STPG2: variants seen among roughly 807,000 people sequenced by gnomAD.
The protein encoded by STPG2 is sperm tail PG-rich repeat containing 2, also known as sperm-tail PG-rich repeat-containing protein 2.
STPG2 carries 56 observed loss-of-function variants against 54.2 expected under a neutral mutation model. That is an observed-to-expected ratio of 1.03 (90% CI 0.83 to 1.29). The LOEUF (loss-of-function observed/expected upper bound fraction) is 1.29, where lower values mean the gene tolerates loss of function less well. Among genes scored for constraint, STPG2 ranks in the 50% most tolerant of loss-of-function variants. STPG2 has a pLI of 0.00. For missense variants in STPG2, 596 were observed against 544.9 expected, an observed-to-expected ratio of 1.09 and a Z score of -0.93; for synonymous variants, 200 against 181.8, an observed-to-expected ratio of 1.10 and a Z score of -0.81.
chr4:98,097,393 T>C (rs898633154), intron 5 of STPG2, among the ~76,000 whole-genome samples: 18 of 152,286 alleles, frequency 1.2e-4, no homozygotes, highest in African/African-American at 4.3e-4. Context: ...GTCATTTCAA[T>C]TGATGCTGAA....
At chr4:97,819,979 T>A (rs910959734) in intron 9 of STPG2, among the ~76,000 whole-genome samples, 3 of 152,260 alleles carry the variant, frequency 2.0e-5, no homozygotes, top group Middle Eastern at 3.4e-3. Flanking sequence ...TTTTTGTTTT[T>A]TTTTAAATTG....
At chr4:98,022,031 T>C (rs1736223523) in intron 5 of STPG2, among the ~76,000 whole-genome samples, 1 of 150,214 alleles carries the variant, frequency 6.7e-6, no homozygotes, top group Non-Finnish European at 1.5e-5. Context: ...AAAGTTAATA[T>C]TGTTATGTGT....
intron 9 of STPG2, among the ~76,000 whole-genome samples, chr4:97,824,577 A>C (rs181521): frequency 0.58 from 88,639 of 151,962 alleles, 26,422 homozygotes; most frequent in East Asian, 0.74. Context: ...TCAAGACAGC[A>C]CAGCAAACTG....
At chr4:98,104,982 T>C (rs1015596909) in intron 5 of STPG2, among the ~76,000 whole-genome samples, 3 of 152,212 alleles carry the variant, frequency 2.0e-5, no homozygotes, top group Non-Finnish European at 2.9e-5. Context: ...CTTAGTAGTA[T>C]GTACCTGTAA....
chr4:97,563,900 T>A (rs1392085366), intron 10 of STPG2, among the ~76,000 whole-genome samples: 1 of 152,160 alleles, frequency 6.6e-6, no homozygotes, highest in East Asian at 1.9e-4. Flanking sequence ...CTGAAAAAAA[T>A]ATATATTCTG....
intron 5 of STPG2, among the ~76,000 whole-genome samples, chr4:98,064,742 A>G (rs1175149448): frequency 1.3e-5 from 2 of 152,204 alleles, no homozygotes; most frequent in Admixed American, 6.5e-5. Context: ...CAGTAATTCA[A>G]GAGTGGCTTA....
In STPG2 at chr4:97,875,690, G is replaced by C. The variant is rs1261839428; in HGVS notation, c.1045-34758C>G. 3.3e-5 allele frequency among the ~76,000 whole-genome samples: 5 copies of C among 151,886 alleles called. No individual in the cohort carries two copies. In the Middle Eastern group the frequency reaches 0.014, roughly 413 times the overall value. On this transcript the variant is annotated intron_variant, in intron 8 of 10. Transcript: ENST00000295268. ...TAGAATTATAAATTTAGATGAGCTA[G>C]TATAAGACACAATTGGACAAAAATT...
chr4:98,076,672 G>A (rs1208273371), intron 5 of STPG2, among the ~76,000 whole-genome samples: 12 of 152,026 alleles, frequency 7.9e-5, no homozygotes, highest in Non-Finnish European at 1.3e-4. Flanking sequence ...ATATAATGTT[G>A]GAAGACATTT....
intron 9 of STPG2, among the ~76,000 whole-genome samples, chr4:97,796,085 A>G (rs1727165873): frequency 6.6e-6 from 1 of 152,114 alleles, no homozygotes; most frequent in Non-Finnish European, 1.5e-5. Context: ...AGTTCTTTGT[A>G]GATTCTGGAT....
chr4:97,650,378 G>A (rs72890889), intron 10 of STPG2, among the ~76,000 whole-genome samples: 20,738 of 152,108 alleles, frequency 0.14, 4,120 homozygotes, highest in African/African-American at 0.44. Flanking sequence ...CCATGGACCT[G>A]CCCAAGGTGG....
intron 5 of STPG2, among the ~76,000 whole-genome samples, chr4:97,998,694 T>C (rs151186658): frequency 3.3e-3 from 506 of 152,286 alleles, no homozygotes; most frequent in Non-Finnish European, 5.3e-3. Flanking sequence ...TTGTGAGCAC[T>C]GCTAATCAAT....
In STPG2 at chr4:97,707,981, C is replaced by A. The variant is rs988027230; in HGVS notation, c.1320+4718G>T. ...AAAATTTCTTAGATAAGTTGGTAAC[C>A]ATTACTATACAGCAAATGAGTGGTT... On this transcript the variant is annotated intron_variant, in intron 10 of 10. Coordinates refer to ENST00000295268, the MANE Select transcript of STPG2 (RefSeq NM_174952.3). Among the ~76,000 whole-genome samples, 11 of 152,078 alleles carry A rather than the reference C, an allele frequency of 7.2e-5. 1 individual carries two copies. Among genetic ancestry groups the A allele is most frequent in the Admixed American group, 6.6e-4 (10 of 15,254 alleles).
chr4:97,518,907 A>G (rs992897507), intron 4 of STPG2, among the ~76,000 whole-genome samples: 1 of 152,088 alleles, frequency 6.6e-6, no homozygotes, highest in Non-Finnish European at 1.5e-5. Context: ...GCCAGGGAAC[A>G]TTAACAAGTT....
chr4:97,664,959 T>C (rs1722477901), intron 10 of STPG2, among the ~76,000 whole-genome samples: 1 of 152,074 alleles, frequency 6.6e-6, no homozygotes, highest in African/African-American at 2.4e-5. Context: ...GGAGGCTGGC[T>C]GCGGCAGGGT....
At chr4:97,525,068 A>G (rs1731254751) in intron 4 of STPG2, among the ~76,000 whole-genome samples, 1 of 151,862 alleles carries the variant, frequency 6.6e-6, no homozygotes, top group Non-Finnish European at 1.5e-5. Context: ...AATTTACCAG[A>G]GTGATTATTT....
chr4:97,865,025 G>A lies in STPG2; in HGVS notation c.1045-24093C>T, dbSNP rs537856908. On this transcript the variant is annotated intron_variant, in intron 8 of 10. Coordinates refer to ENST00000295268, the MANE Select transcript of STPG2 (RefSeq NM_174952.3). ...CCTAGGCAATACCATTCAGGACATA[G>A]ACATGGGCAAGGACTTCATGTCTAA... is the stretch of plus-strand genomic sequence containing the variant. 2.4e-3 allele frequency among the ~76,000 whole-genome samples: 371 copies of A among 152,202 alleles called. 2 individuals carry two copies. Among genetic ancestry groups the A allele is most frequent in the African/African-American group, 8.2e-3 (340 of 41,552 alleles).
At chr4:97,935,851 T>A (rs1308195699) in intron 8 of STPG2, among the ~76,000 whole-genome samples, 1 of 152,152 alleles carries the variant, frequency 6.6e-6, no homozygotes, top group Non-Finnish European at 1.5e-5. Flanking sequence ...GAATGTCTAT[T>A]CTGTTGTTTT....
At chr4:98,033,475 A>G (rs573908919) in intron 5 of STPG2, among the ~76,000 whole-genome samples, 1 of 152,184 alleles carries the variant, frequency 6.6e-6, no homozygotes, top group South Asian at 2.1e-4. Context: ...CCTACCAACC[A>G]AAAAATGTCC....
At chr4:98,052,540 G>A (rs1737355381) in intron 5 of STPG2, among the ~76,000 whole-genome samples, 1 of 152,004 alleles carries the variant, frequency 6.6e-6, no homozygotes, top group African/African-American at 2.4e-5. Flanking sequence ...AATTAAATAT[G>A]TTTTTATGTT....
Sources: allele counts gnomAD v4.1 joint callset (sites outside exome capture counted in the v4.1 genomes callset), GRCh38; gene constraint gnomAD v4.1.1; transcripts MANE v1.5; gene names NCBI Gene and HGNC (gene_info 2026-07-23, HGNC 2026-07-21).